The following KCNMA1 variants were observed in gnomAD, a reference collection of about 807,000 sequenced individuals.
KCNMA1 encodes Calcium-activated potassium channel subunit alpha-1.
KCNMA1 carries 29 observed loss-of-function variants against 140.0 expected under a neutral mutation model. The observed-to-expected ratio is 0.21, with a 90% CI of 0.15 to 0.28. The LOEUF (loss-of-function observed/expected upper bound fraction) is 0.28. KCNMA1 is among the 10% of genes least tolerant of loss of function. The pLI, the probability that KCNMA1 is intolerant of heterozygous loss-of-function variation, is 1.00. For synonymous variants in KCNMA1, 612 were observed against 611.9 expected, an observed-to-expected ratio of 1.00 and a Z score of 0.00; for missense variants, 880 against 1,602.2, an observed-to-expected ratio of 0.55 and a Z score of 7.70.
At chr10:77,410,641 G>A (rs116198387) in intron 1 of KCNMA1, among the ~76,000 whole-genome samples, 1,721 of 152,352 alleles carry the variant, frequency 0.011, 29 homozygotes, top group African/African-American at 0.039. Flanking sequence ...CAGAGGACAA[G>A]TGAAGTCTTC....
chr10:77,303,228 A>C (rs1278706958), intron 2 of KCNMA1, among the ~76,000 whole-genome samples: 1 of 152,154 alleles, frequency 6.6e-6, no homozygotes, highest in African/African-American at 2.4e-5. Flanking sequence ...TCACAGGGTC[A>C]CTGTATCATG....
downstream of KCNMA1, among the ~76,000 whole-genome samples, chr10:76,880,029 G>A (rs2033975677): frequency 6.6e-6 from 1 of 152,128 alleles, no homozygotes; most frequent in Non-Finnish European, 1.5e-5. Context: ...TTTGCAAAGG[G>A]ATTTAGTGCT....
chr10:77,127,966 T>G (rs1281909381), intron 5 of KCNMA1, among the ~76,000 whole-genome samples: 1 of 151,678 alleles, frequency 6.6e-6, no homozygotes, highest in African/African-American at 2.4e-5. Flanking sequence ...AGAGTGAGAG[T>G]CCATCTCAAA....
intron 2 of KCNMA1, among the ~76,000 whole-genome samples, chr10:77,395,950 T>C (rs2096035158): frequency 6.6e-6 from 1 of 152,186 alleles, no homozygotes; most frequent in South Asian, 2.1e-4. Context: ...AAAGACAAAA[T>C]TTCATGTTTA....
chr10:77,010,208 T>G (rs2090363306), intron 18 of KCNMA1, among the ~76,000 whole-genome samples: 2 of 152,112 alleles, frequency 1.3e-5, no homozygotes, highest in Non-Finnish European at 2.9e-5. Flanking sequence ...ACCTCTTGTA[T>G]TTGTTGTTCT....
At chr10:76,896,664 G>A (rs1006970625) in intron 25 of KCNMA1, among the ~76,000 whole-genome samples, 2 of 152,166 alleles carry the variant, frequency 1.3e-5, no homozygotes, top group African/African-American at 4.8e-5. Flanking sequence ...TGCAACAAGA[G>A]TCTATTTATA....
At chr10:77,066,162 T>A (rs2153687511) in intron 14 of KCNMA1, among the ~76,000 whole-genome samples, 1 of 152,222 alleles carries the variant, frequency 6.6e-6, no homozygotes, top group Admixed American at 6.5e-5. Flanking sequence ...GATGCTTTGT[T>A]GAAGATAGAT....
rs567944803 is a variant in KCNMA1 at position 77,541,862 on chromosome 10, T to C, written c.378+95403A>G. Among the ~76,000 whole-genome samples the C allele has an allele frequency of 2.6e-5, 4 of 152,282 alleles. No individual in the cohort carries two copies. In the East Asian group the frequency reaches 7.7e-4, roughly 29 times the overall value. The stretch of plus-strand genomic sequence containing the variant: ...ATTTTAAAAGCTTCCAAAGTGATTT[T>C]AATGTGCAGCCAGAGTTGAGAACAA... On this transcript the variant is annotated intron_variant, in intron 1 of 27. Transcript: ENST00000286628.
At chr10:77,145,706 T>C (rs1561087) in intron 5 of KCNMA1, among the ~76,000 whole-genome samples, 70,015 of 152,052 alleles carry the variant, frequency 0.46, 16,884 homozygotes, top group African/African-American at 0.51. Context: ...GAAATTGACC[T>C]CTTCAGTGAA....
chr10:77,580,587 C>T (rs1050157875), intron 1 of KCNMA1, among the ~76,000 whole-genome samples: 2 of 152,162 alleles, frequency 1.3e-5, no homozygotes, highest in African/African-American at 4.8e-5. Flanking sequence ...CCCCAGGATC[C>T]CACACACACT....
At chr10:77,284,091 T>C (rs2069741295) in intron 2 of KCNMA1, among the ~76,000 whole-genome samples, 1 of 152,070 alleles carries the variant, frequency 6.6e-6, no homozygotes, top group Admixed American at 6.6e-5. Context: ...GGTGAAAAAT[T>C]GGGCTAAAGA....
In KCNMA1 at chr10:77,636,129, C is replaced by T. The variant is rs1156599665; in HGVS notation, c.378+1136G>A. 1.9e-4 allele frequency: 214 copies of T among 1,141,984 alleles called. 1 individual carries two copies. The highest frequency in any genetic ancestry group is 1.2e-5 in the Non-Finnish European group (10 of 850,736). 70.7% of individuals were successfully genotyped at this position (1,141,984 alleles called of 1,614,324 possible). The stretch of plus-strand genomic sequence containing the variant: ...CTATTCCCCTGGATTTCCCTTCCCT[C>T]CAAAACGGTTCGCGCGTGAAGTCCC... On this transcript the variant is annotated intron_variant, in intron 1 of 27. Coordinates refer to ENST00000286628, the MANE Select transcript of KCNMA1 (RefSeq NM_001161352.2).
At chr10:77,208,129 G>A (rs7895375) in intron 3 of KCNMA1, among the ~76,000 whole-genome samples, 10,856 of 152,254 alleles carry the variant, frequency 0.071, 454 homozygotes, top group African/African-American at 0.11. Context: ...GCAAATCTGC[G>A]GATACGCATC....
chr10:77,210,702 T>A, intron 3 of KCNMA1, among the ~76,000 whole-genome samples: 1 of 152,208 alleles, frequency 6.6e-6, no homozygotes, highest in Admixed American at 6.5e-5. Flanking sequence ...AACTGATCAA[T>A]GATTTTAGCA....
chr10:76,990,200 G>A (rs2082351853), intron 19 of KCNMA1, among the ~76,000 whole-genome samples: 1 of 152,158 alleles, frequency 6.6e-6, no homozygotes, highest in South Asian at 2.1e-4. Flanking sequence ...GCCTTGAGAA[G>A]CACAAAGACT....
intron 23 of KCNMA1, among the ~76,000 whole-genome samples, chr10:76,933,250 C>T (rs1162870229): frequency 6.6e-6 from 1 of 152,184 alleles, no homozygotes; most frequent in Non-Finnish European, 1.5e-5. Context: ...CAACAGATAG[C>T]AGGATTAAAT....
intron 2 of KCNMA1, among the ~76,000 whole-genome samples, chr10:77,272,720 C>T (rs1356092483): frequency 2.0e-5 from 3 of 151,992 alleles, no homozygotes; most frequent in African/African-American, 7.3e-5. Context: ...CAACTGTTTT[C>T]CAGTCCAAGT....
chr10:77,175,430 A>G (rs533180138), intron 5 of KCNMA1, among the ~76,000 whole-genome samples: 130 of 152,276 alleles, frequency 8.5e-4, no homozygotes, highest in African/African-American at 2.5e-3. Context: ...TCATGATCCT[A>G]AGAAGACTCA....
chr10:76,991,626 A>G (rs2082796232), intron 19 of KCNMA1, among the ~76,000 whole-genome samples: 1 of 152,208 alleles, frequency 6.6e-6, no homozygotes, highest in African/African-American at 2.4e-5. Flanking sequence ...GAAGCCCTTC[A>G]TTTATTCATT....
Sources: allele counts gnomAD v4.1 joint callset (sites outside exome capture counted in the v4.1 genomes callset), GRCh38; gene constraint gnomAD v4.1.1; transcripts MANE v1.5; gene names NCBI Gene and HGNC (gene_info 2026-07-23, HGNC 2026-07-21).